ICA1L: variants seen among roughly 807,000 people sequenced by gnomAD.
ICA1L encodes the protein islet cell autoantigen 1 like, also known as islet cell autoantigen 1-like protein.
ICA1L carries 50 observed loss-of-function variants against 61.3 expected under a neutral mutation model. The ratio of observed to expected loss-of-function variants is 0.82; its 90% CI spans 0.65 to 1.03. ICA1L has a LOEUF of 1.03. ICA1L is among the 50% of genes least tolerant of loss of function. The pLI is 0.00. For synonymous variants in ICA1L, 161 were observed against 191.3 expected (o/e 0.84, Z 1.31); for missense variants, 508 against 556.7 (o/e 0.91, Z 0.88).
At chr2:202,817,334 T>G (rs1693564819) in intron 6 of ICA1L, 84 bp downstream of exon 6, 2 of 1,269,964 alleles carry the variant, frequency 1.6e-6, no homozygotes, top group Non-Finnish European at 2.1e-6. Flanking sequence ...ATACATAAAT[T>G]TTTACACCCT....
In ICA1L at chr2:202,817,491, T is replaced by A. The variant is rs767564220; in HGVS notation, c.611A>T (p.Asp204Val). 1 of 1,611,858 alleles carries A rather than the reference T, an allele frequency of 6.2e-7. No homozygotes were observed. The highest frequency in any genetic ancestry group is 8.5e-7 in the Non-Finnish European group (1 of 1,178,498). ...SKASFDKLKM[D>V]VCQKVDLLGA... ...AAGTAAATCCACTTTCTGACAAACA[T>A]CCATCTTTAACTTGTCAAAAGAAGC... Residue 204 changes from aspartate (D) to valine (V), a missense_variant, in exon 6 of 13, where the codon GAT becomes GTT. Physicochemically the swap from Asp to Val is radical, Grantham distance 152. Transcript: ENST00000358299.
chr2:202,791,645 GAGACC>G (rs1444871004), intron 10 of ICA1L, among the ~76,000 whole-genome samples: 1 of 152,108 alleles, frequency 6.6e-6, no homozygotes, highest in African/African-American at 2.4e-5. Context: ...TCAGGAGTTT[GAGACC>G]AGCCTGGCCA....
intron 11 of ICA1L, chr2:202,786,820 G>C (rs1408409547): frequency 2.3e-6 from 1 of 433,784 alleles, no homozygotes; most frequent in Admixed American, 2.6e-5. Context: ...GAATCAGGTA[G>C]ATTATGTTGT....
chr2:202,796,795 G>A, intron 10 of ICA1L, 95 bp downstream of exon 10: 1 of 685,848 alleles, frequency 1.5e-6, no homozygotes, highest in Non-Finnish European at 2.4e-6. Context: ...CTTATGTAGA[G>A]ACCCAGACAG....
At chr2:202,834,495 G>A (rs1274642875) in intron 1 of ICA1L, among the ~76,000 whole-genome samples, 1 of 152,068 alleles carries the variant, frequency 6.6e-6, no homozygotes, top group Non-Finnish European at 1.5e-5. Context: ...TGGGCGTGGT[G>A]CAAGTACCTG....
intron 3 of ICA1L, 200 bp from the exon 4 acceptor site, chr2:202,821,681 T>G: frequency 2.8e-6 from 1 of 355,466 alleles, no homozygotes; most frequent in Admixed American, 4.7e-5. Flanking sequence ...GAATCTGGCT[T>G]CTTATCAGCA....
In ICA1L at chr2:202,779,567, A is replaced by G. The variant is rs111668582; in HGVS notation, c.1415T>C (p.Ile472Thr). The G allele has an allele frequency of 1.2e-6, 2 of 1,612,564 alleles. No homozygotes were observed. Among genetic ancestry groups the G allele is most frequent in the Non-Finnish European group, 1.7e-6 (2 of 1,178,854 alleles). ...AAGAAGTTCATCATCTGAGTGTCCA[A>G]TAGCATCTGGGTTTGAAAGTGGATC... ...DLDPLSNPDA[I>T]GHSDDELLNA The change falls in exon 13 of 13, where the codon ATT (isoleucine) becomes ACT (threonine). Residue 472 changes from isoleucine (I) to threonine (T), a missense_variant. By Grantham distance (89) the Ile-to-Thr change is moderately conservative. Coordinates refer to ENST00000358299, the MANE Select transcript of ICA1L (RefSeq NM_001288622.3).
rs932127931 is a variant in ICA1L at position 202,849,293 on chromosome 2, C to T, written c.-7-20277G>A. Among the ~76,000 whole-genome samples the T allele has an allele frequency of 1.3e-5, 2 of 152,160 alleles. No individual in the cohort carries two copies. The highest frequency in any genetic ancestry group is 2.9e-5 in the Non-Finnish European group (2 of 68,024). ...CCCCAGCGAGACAAAACCGTTCACT[C>T]CCCTGGAAAGGGGGCTGAGGCCAGG... On this transcript the variant is annotated intron_variant, in intron 1 of 12. Coordinates refer to ENST00000358299, the MANE Select transcript of ICA1L (RefSeq NM_001288622.3). This position sits in a 1 kb window ranked among gnomAD's most constrained non-coding sequence, Gnocchi z 4.5.
At chr2:202,799,975 T>TTG (rs1693045136) in intron 9 of ICA1L, among the ~76,000 whole-genome samples, 1 of 151,934 alleles carries the variant, frequency 6.6e-6, no homozygotes, top group South Asian at 2.1e-4. Flanking sequence ...CCTCCCAGGT[T>TTG]TAAGCGATTC....
Position 202,774,062 on chromosome 2 carries a change from TC to T in ICA1L, c.*5470del. ...CACTTCTTGCTTCTTTGATGTGTCA[TC>T]CTAGCTGCCTAATATGATAATATTA... On this transcript the variant is annotated 3_prime_UTR_variant, in exon 13 of 13. Coordinates refer to ENST00000358299, the MANE Select transcript of ICA1L (RefSeq NM_001288622.3). 1.0e-6 allele frequency: 1 copy of T among 978,864 alleles called. No homozygotes were observed. The highest frequency in any genetic ancestry group is 1.6e-5 in the African/African-American group (1 of 61,370). 60.6% of individuals were successfully genotyped at this position (978,864 alleles called of 1,614,324 possible). A position where few individuals can be genotyped will look rare whatever the true frequency, so the allele number is the denominator to read the frequency against.
At chr2:202,791,199 G>A (rs1318220689) in intron 10 of ICA1L, among the ~76,000 whole-genome samples, 1 of 152,140 alleles carries the variant, frequency 6.6e-6, no homozygotes, top group Non-Finnish European at 1.5e-5. Context: ...GATTTGATTG[G>A]TTTATTGTGT....
intron 5 of ICA1L, among the ~76,000 whole-genome samples, chr2:202,818,680 T>C (rs2105849714): frequency 6.6e-6 from 1 of 152,220 alleles, no homozygotes. Flanking sequence ...ATGGAGAGTT[T>C]CCCTACACAA....
intron 1 of ICA1L, among the ~76,000 whole-genome samples, chr2:202,836,069 T>C (rs567610916): frequency 5.9e-5 from 9 of 152,190 alleles, no homozygotes; most frequent in Non-Finnish European, 1.2e-4. Flanking sequence ...ATGGAAGCGC[T>C]GAAAGTGGGC....
In ICA1L at chr2:202,788,959, AGGCAGTCT is replaced by A; in HGVS notation, c.1106_1113del (p.Gln369LeufsTer18). 1 of 1,614,192 alleles carries A rather than the reference AGGCAGTCT, an allele frequency of 6.2e-7. No individual in the cohort carries two copies. The highest frequency in any genetic ancestry group is 2.2e-5 in the East Asian group (1 of 44,886). ...GTGAGACTGGCACTGGGGCTCCCAAAGGCAGTCTGGCATTCTTGGGTAAATTCACTAGT... is the reference window on the plus strand; with the variant it reads ...GTGAGACTGGCACTGGGGCTCCCAAAGGCATTCTTGGGTAAATTCACTAGT... On this transcript the variant is annotated frameshift_variant, in exon 11 of 13. Transcript: ENST00000358299. LOFTEE classifies it high-confidence loss of function.
At chr2:202,837,275 C>T (rs181242642) in intron 1 of ICA1L, among the ~76,000 whole-genome samples, 44 of 151,616 alleles carry the variant, frequency 2.9e-4, no homozygotes, top group African/African-American at 9.4e-4. Flanking sequence ...ACCAATTTTC[C>T]GTTGTTGTTT....
intron 10 of ICA1L, among the ~76,000 whole-genome samples, chr2:202,795,068 CTTTTCTTTT>C (rs1172107310): frequency 1.6e-5 from 2 of 121,832 alleles, no homozygotes; most frequent in East Asian, 2.5e-4. Flanking sequence ...AGAAAGTTTC[CTTTTCTTTT>C]TTTTTTTTTT....
At chr2:202,829,848 T>A (rs1220252380) in intron 1 of ICA1L, among the ~76,000 whole-genome samples, 3 of 152,236 alleles carry the variant, frequency 2.0e-5, no homozygotes, top group Non-Finnish European at 4.4e-5. Flanking sequence ...GTAATAAAAC[T>A]GCAAAATAAA....
At chr2:202,783,816 T>C (rs1243367851) in intron 12 of ICA1L, among the ~76,000 whole-genome samples, 2 of 151,936 alleles carry the variant, frequency 1.3e-5, no homozygotes, top group Admixed American at 6.6e-5. Flanking sequence ...TTTTAGGAAA[T>C]AGACAATGAA....
rs140627356 is a variant in ICA1L at position 202,866,313 on chromosome 2, G to A, written c.-8+5306C>T. On this transcript the variant is annotated intron_variant, in intron 1 of 12. Coordinates refer to ENST00000358299, the MANE Select transcript of ICA1L (RefSeq NM_001288622.3). ...GGCCCCCTTCCCTCTCTCACCATGC[G>A]ATGCCTGCTCCCACTTCACCTTCCT... 1.1e-4 allele frequency among the ~76,000 whole-genome samples: 16 copies of A among 152,204 alleles called. No homozygotes were observed. In the East Asian group the frequency reaches 2.7e-3, roughly 26 times the overall value.
Sources: allele counts gnomAD v4.1 joint callset (sites outside exome capture counted in the v4.1 genomes callset), GRCh38; gene constraint gnomAD v4.1.1; non-coding constraint Gnocchi (gnomAD v3.1); transcripts MANE v1.5; gene names NCBI Gene and HGNC (gene_info 2026-07-23, HGNC 2026-07-21).